NUAK2: variants seen among roughly 807,000 people sequenced by gnomAD.
The protein encoded by NUAK2 is NUAK family SNF1-like kinase 2.
Under a neutral mutation model 29.8 loss-of-function variants are expected in NUAK2, and 20 were observed. The ratio of observed to expected loss-of-function variants is 0.67; its 90% confidence interval spans 0.47 to 0.98. NUAK2 has a LOEUF of 0.98. Ranked by LOEUF, NUAK2 falls within the 50% of genes least tolerant of loss-of-function variation. The pLI, the probability that NUAK2 is intolerant of heterozygous loss-of-function variation, is 0.00. For missense variants in NUAK2, 719 were observed against 834.5 expected (o/e 0.86, Z 1.71); for synonymous variants, 331 against 342.6 (o/e 0.97, Z 0.37).
At position 205,303,232 on chromosome 1, in the gene NUAK2, C is replaced by A; in HGVS notation, c.*218G>T. ...ATTCCCGTTCCCCTCTCTTTAGTAT[C>A]CTCTTCGTTCAGCAGGGCTGAAGAC... On this transcript the variant is annotated 3_prime_UTR_variant, in exon 7 of 7. Transcript: ENST00000367157. 2.3e-6 allele frequency: 1 copy of A among 429,842 alleles called. No homozygotes were observed. Among genetic ancestry groups the A allele is most frequent in the East Asian group, 3.7e-5 (1 of 27,130 alleles). 26.6% of individuals were successfully genotyped at this position (429,842 alleles called of 1,614,324 possible).
intron 2 of NUAK2, 43 bp downstream of exon 2, chr1:205,311,662 C>T (rs768226961): frequency 1.4e-5 from 22 of 1,611,014 alleles, no homozygotes; most frequent in African/African-American, 4.0e-5. Flanking sequence ...CACACATGCA[C>T]ACACATAGAC....
intron 1 of NUAK2, 134 bp downstream of exon 1, chr1:205,321,264 C>T: frequency 1.3e-6 from 1 of 774,828 alleles, no homozygotes; most frequent in Non-Finnish European, 2.0e-6. Context: ...GCAGTAGCCC[C>T]GCAAGCTCAG....
intron 1 of NUAK2, among the ~76,000 whole-genome samples, chr1:205,313,913 CCTAGA>C (rs1662289433): frequency 6.6e-6 from 1 of 152,190 alleles, no homozygotes; most frequent in African/African-American, 2.4e-5. Flanking sequence ...AATCTGAAGA[CCTAGA>C]CTGTGGTAAA....
chr1:205,320,686 T>TA (rs1662401341), intron 1 of NUAK2, among the ~76,000 whole-genome samples: 1 of 152,168 alleles, frequency 6.6e-6, no homozygotes, highest in Admixed American at 6.5e-5. Flanking sequence ...GGAAACAAAG[T>TA]ACAGAGATGA....
Position 205,321,691 on chromosome 1 carries a change from C to A in NUAK2, c.-63G>T. 1.5e-6 allele frequency: 2 copies of A among 1,378,898 alleles called. No homozygotes were observed. Among genetic ancestry groups the A allele is most frequent in the East Asian group, 2.4e-5 (1 of 42,444 alleles). The allele number at this position is 1,378,898 out of a possible 1,614,324, so 85.4% of individuals were successfully genotyped here. On this transcript the variant is annotated 5_prime_UTR_variant, in exon 1 of 7. Transcript: ENST00000367157. ...GTAGGCTGTGCGGGGAGGGCTGAAG[C>A]GCGGGGCACAGGTCCCGCACCAGGA...
At chr1:205,320,831 C>G (rs1662404509) in intron 1 of NUAK2, among the ~76,000 whole-genome samples, 1 of 152,138 alleles carries the variant, frequency 6.6e-6, no homozygotes, top group African/African-American at 2.4e-5. Context: ...TTTCCAGAAT[C>G]AAAAACTCAT....
chr1:205,302,600 G>T lies in NUAK2; in HGVS notation c.*850C>A, dbSNP rs1291638651. The T allele has an allele frequency of 6.6e-6, 1 of 152,228 alleles. No individual in the cohort carries two copies. The highest frequency in any genetic ancestry group is 2.4e-5 in the African/African-American group (1 of 41,442). 9.4% of individuals were successfully genotyped at this position (152,228 alleles called of 1,614,324 possible). On this transcript the variant is annotated 3_prime_UTR_variant, in exon 7 of 7. Coordinates refer to ENST00000367157, the MANE Select transcript of NUAK2 (RefSeq NM_030952.3). Reference sequence around the variant, plus strand: ...GTTCTCTTACTCCTAGGCTAAATAAGGAAGGGTTAGGTGGGGCGCGGTGGC... The same window carrying T: ...GTTCTCTTACTCCTAGGCTAAATAATGAAGGGTTAGGTGGGGCGCGGTGGC...
At chr1:205,316,470 TAGG>T (rs1334624415) in intron 1 of NUAK2, among the ~76,000 whole-genome samples, 1 of 152,072 alleles carries the variant, frequency 6.6e-6, no homozygotes, top group African/African-American at 2.4e-5. Context: ...CCTTTGCCCA[TAGG>T]AGGAGCAGGG....
chr1:205,308,585 T>C lies in NUAK2; in HGVS notation c.500A>G (p.His167Arg). The change falls in exon 3 of 7, where the codon CAT becomes CGT. Residue 167 changes from histidine (H) to arginine (R), a missense_variant. His to Arg is a conservative substitution (Grantham distance 29). Transcript: ENST00000367157. This position sits in a 1 kb window ranked among gnomAD's most constrained non-coding sequence, Gnocchi z 4.1. The stretch of plus-strand genomic sequence containing the variant: ...CTGGAGCAGGTAGGTGCTCACCTGA[T>C]GGCAATAGTGCACGGCAGAGACGAT... ...RQIVSAVHYC[H>R]QNRVVHRDLK... 1 of 1,613,588 alleles carries C rather than the reference T, an allele frequency of 6.2e-7. No individual in the cohort carries two copies. Among genetic ancestry groups the C allele is most frequent in the Non-Finnish European group, 8.5e-7 (1 of 1,179,610 alleles).
chr1:205,304,248 G>T lies in NUAK2; in HGVS notation c.1089C>A (p.Ser363Arg), dbSNP rs753771780. Residue 363 changes from serine to arginine, a missense_variant, in exon 7 of 7, where the codon AGC becomes AGA. Coordinates refer to ENST00000367157, the MANE Select transcript of NUAK2 (RefSeq NM_030952.3). The surrounding 1 kb of genome is among the most constrained non-coding windows in gnomAD (Gnocchi z 6.5). The part of the protein sequence containing the change: ...FFKQHAPGGG[S>R]TTPGLERQHS... ...GCTGGCGCTCCAGGCCAGGGGTGGT[G>T]CTTCCCCCACCAGGTGCATGCTGCT... 10 of 1,614,024 alleles carry T rather than the reference G, an allele frequency of 6.2e-6. No homozygotes were observed. Among genetic ancestry groups the T allele is most frequent in the African/African-American group, 5.3e-5 (4 of 74,932 alleles).
chr1:205,317,691 C>T (rs1285842162), intron 1 of NUAK2, among the ~76,000 whole-genome samples: 2 of 152,196 alleles, frequency 1.3e-5, no homozygotes, highest in Non-Finnish European at 2.9e-5. Context: ...CTGCAGCCTC[C>T]CTCCCTGCCG....
intron 1 of NUAK2, among the ~76,000 whole-genome samples, chr1:205,315,581 A>G (rs1008409359): frequency 6.6e-6 from 1 of 152,154 alleles, no homozygotes; most frequent in African/African-American, 2.4e-5. Context: ...GAATAAAAAT[A>G]TGTTGATTAG....
chr1:205,315,959 G>C (rs1368796326), intron 1 of NUAK2, among the ~76,000 whole-genome samples: 1 of 152,130 alleles, frequency 6.6e-6, no homozygotes, highest in Non-Finnish European at 1.5e-5. Context: ...AGGCAGGAAG[G>C]CCACATGCCT....
In NUAK2 at chr1:205,304,600, G is replaced by A. The variant is rs1662153161; in HGVS notation, c.824-87C>T. Reference sequence around the variant, plus strand: ...CTGTCCCCAGCTCATCCCCTTTTGAGCTATGACACTGCATACTCCTGGGTC... The same window carrying A: ...CTGTCCCCAGCTCATCCCCTTTTGAACTATGACACTGCATACTCCTGGGTC... On this transcript the variant is annotated intron_variant, in intron 6 of 6. Coordinates refer to ENST00000367157, the MANE Select transcript of NUAK2 (RefSeq NM_030952.3). The surrounding 1 kb of genome is among the most constrained non-coding windows in gnomAD (Gnocchi z 6.5). 2 of 1,146,818 alleles carry A rather than the reference G, an allele frequency of 1.7e-6. No homozygotes were observed. The highest frequency in any genetic ancestry group is 5.2e-5 in the East Asian group (2 of 38,530). The allele number at this position is 1,146,818 out of a possible 1,614,324, so 71.0% of individuals were successfully genotyped here.
chr1:205,320,050 AT>A (rs1169630642), intron 1 of NUAK2, among the ~76,000 whole-genome samples: 3 of 152,188 alleles, frequency 2.0e-5, no homozygotes, highest in African/African-American at 7.2e-5. Flanking sequence ...ATATGGCCCT[AT>A]CCTAGACCTT....
chr1:205,303,838 C>A lies in NUAK2; in HGVS notation c.1499G>T (p.Gly500Val). The change falls in exon 7 of 7, where the codon GGC (glycine) becomes GTC (valine). Residue 500 changes from glycine (G) to valine (V), a missense_variant. By Grantham distance (109) the Gly-to-Val change is moderately radical. Around this residue, in one of 3 missense-constraint regions of NUAK2, gnomAD observed 430 missense variants for 465.7 expected, o/e 0.92. Transcript: ENST00000367157. ...QASGLLLHRK[G>V]ILKLNGKFSQ... ...GAACTTGCCATTGAGTTTGAGGATG[C>A]CTTTGCGATGGAGGAGCAGCCCTGA... 2 of 1,608,162 alleles carry A rather than the reference C, an allele frequency of 1.2e-6. No homozygotes were observed. The highest frequency in any genetic ancestry group is 1.7e-6 in the Non-Finnish European group (2 of 1,177,206).
Position 205,305,992 on chromosome 1 carries a change from G to C in NUAK2, c.690+196C>G, listed in dbSNP as rs560753051. 2.0e-5 allele frequency among the ~76,000 whole-genome samples: 3 copies of C among 152,338 alleles called. No individual in the cohort carries two copies. The East Asian group carries it at 5.8e-4, about 29-fold the overall frequency. ...GCCTCCCAAAGTGCTGGGATTATAG[G>C]TGTGAGCCACTGTGCCCGGCCTAGT... is the stretch of plus-strand genomic sequence containing the variant. On this transcript the variant is annotated intron_variant, in intron 5 of 6. Transcript: ENST00000367157.
chr1:205,303,511 T>C lies in NUAK2; in HGVS notation c.1826A>G (p.Asp609Gly), dbSNP rs1382052454. ...PLGDSCFSLT[D>G]CQEVTATYRQ... ...GTAGGTCGCTGTCACCTCCTGGCAG[T>C]CTGTCAGGGAAAAGCAGCTGTCCCC... is the stretch of plus-strand genomic sequence containing the variant. Residue 609 changes from aspartate to glycine, a missense_variant, in exon 7 of 7, where the codon GAC becomes GGC. Physicochemically the swap from Asp to Gly is moderately conservative, Grantham distance 94. This residue lies in a region of NUAK2 where 430 missense variants were observed against 465.7 expected (regional missense o/e 0.92). Transcript: ENST00000367157. The C allele has an allele frequency of 6.2e-7, 1 of 1,612,624 alleles. No homozygotes were observed. Among genetic ancestry groups the C allele is most frequent in the South Asian group, 1.1e-5 (1 of 90,888 alleles).
At chr1:205,315,960 C>T (rs1163896404) in intron 1 of NUAK2, among the ~76,000 whole-genome samples, 1 of 152,132 alleles carries the variant, frequency 6.6e-6, no homozygotes, top group Non-Finnish European at 1.5e-5. Flanking sequence ...GGCAGGAAGG[C>T]CACATGCCTG....
Sources: gnomAD v4.1 joint callset for allele counts (sites outside exome capture counted in the v4.1 genomes callset) on GRCh38, gnomAD v4.1.1 for gene constraint, gnomAD v4.1.1 regional missense constraint, Gnocchi (gnomAD v3.1) non-coding constraint, MANE v1.5 for transcripts, NCBI Gene and HGNC (gene_info 2026-07-23, HGNC 2026-07-21) for gene names.